Variants in CUBN observed in about 807,000 individuals in gnomAD.
CUBN encodes the protein cubilin, also known as 460 kDa receptor.
CUBN carries 282 observed loss-of-function variants against 405.3 expected under a neutral mutation model. The ratio of observed to expected loss-of-function variants is 0.70; its 90% confidence interval spans 0.63 to 0.77. The LOEUF is 0.77. Ranked by LOEUF, CUBN falls within the 30% of genes least tolerant of loss-of-function variation. The pLI is 0.00. For missense variants in CUBN, 4,514 were observed against 4,475.2 expected (o/e 1.01, Z -0.25); for synonymous variants, 1,684 against 1,617.0 (o/e 1.04, Z -0.99).
intron 28 of CUBN, among the ~76,000 whole-genome samples, chr10:17,014,611 G>A (rs1834277706): frequency 6.6e-6 from 1 of 152,210 alleles, no homozygotes; most frequent in Admixed American, 6.5e-5. Context: ...CCTGCTGTAG[G>A]CAAAGCTGGG....
chr10:17,115,722 G>C (rs1488790692), intron 6 of CUBN, 125 bp from the exon 7 acceptor site: 3 of 1,221,304 alleles, frequency 2.5e-6, no homozygotes, highest in Non-Finnish European at 3.6e-6. Flanking sequence ...TCGTCAGCCA[G>C]CAATGCAAAT....
chr10:16,999,164 G>T (rs7904146), intron 28 of CUBN, among the ~76,000 whole-genome samples: 1 of 151,936 alleles, frequency 6.6e-6, no homozygotes, highest in Non-Finnish European at 1.5e-5. Flanking sequence ...TCCTATTCAA[G>T]ATGTCATATA....
chr10:17,074,233 G>C (rs1320737269), intron 17 of CUBN, among the ~76,000 whole-genome samples: 1 of 152,158 alleles, frequency 6.6e-6, no homozygotes, highest in African/African-American at 2.4e-5. Context: ...GCGGTTTTTG[G>C]GGAAGCGCAG....
intron 37 of CUBN, 109 bp from the exon 38 acceptor site, chr10:16,939,256 T>C (rs1258554127): frequency 1.7e-5 from 15 of 872,896 alleles, no homozygotes; most frequent in Non-Finnish European, 2.6e-5. Context: ...TTTAATTGAC[T>C]GTGATTTCTT....
In CUBN at chr10:17,088,323, A is replaced by G. The variant is rs551538811; in HGVS notation, c.1788T>C (p.Gly596=). 21 of 1,612,532 alleles carry G rather than the reference A, an allele frequency of 1.3e-5. No individual in the cohort carries two copies. Among genetic ancestry groups the G allele is most frequent in the Admixed American group, 8.3e-5 (5 of 60,018 alleles). The change falls in exon 15 of 67, where the codon GGT becomes GGC. Residue 596 remains glycine, a synonymous_variant. Transcript: ENST00000377833. ...CCGGAGACTTAATAGAACCGTAAGGACCAGTCAGGATACCTCCACACTCTA... is the reference window on the plus strand; with the variant it reads ...CCGGAGACTTAATAGAACCGTAAGGGCCAGTCAGGATACCTCCACACTCTA... The part of the protein sequence containing the change: ...QQPECGGILT[G]PYGSIKSPGY...
chr10:17,007,334 A>G (rs12251108), intron 28 of CUBN, among the ~76,000 whole-genome samples: 3,588 of 152,256 alleles, frequency 0.024, 99 homozygotes, highest in African/African-American at 0.067. Context: ...GAGGACCCGC[A>G]TAAAAGGCCC....
At position 16,900,729 on chromosome 10, in the gene CUBN, G is replaced by C. The variant is rs1841337756; in HGVS notation, c.8306C>G (p.Pro2769Arg). The C allele has an allele frequency of 6.2e-7, 1 of 1,614,098 alleles. No homozygotes were observed. Among genetic ancestry groups the C allele is most frequent in the Non-Finnish European group, 8.5e-7 (1 of 1,179,990 alleles). ...IIGQYCGNSN[P>R]RTIQSGSNQL... ...ATTGGAACCTGACTGTATTGTCCTGGGGTTTGAATTTCCACAGTATTGTCC... is the reference window on the plus strand; with the variant it reads ...ATTGGAACCTGACTGTATTGTCCTGCGGTTTGAATTTCCACAGTATTGTCC... Residue 2769 changes from proline (P) to arginine (R), a missense_variant, in exon 53 of 67, where the codon CCC becomes CGC. Pro to Arg is a moderately radical substitution (Grantham distance 103, BLOSUM62 -2). Coordinates refer to ENST00000377833, the MANE Select transcript of CUBN (RefSeq NM_001081.4).
At chr10:16,976,502 TA>T (rs531225014) in intron 31 of CUBN, among the ~76,000 whole-genome samples, 3,987 of 38,962 alleles carry the variant, frequency 0.1, 173 homozygotes, top group African/African-American at 0.26. Flanking sequence ...TTGTTATTAT[TA>T]TTTTTTTTTT....
chr10:16,964,495 G>C (rs1170176609), intron 31 of CUBN, among the ~76,000 whole-genome samples: 1 of 152,142 alleles, frequency 6.6e-6, no homozygotes, highest in Non-Finnish European at 1.5e-5. Flanking sequence ...GTGTGTGTTT[G>C]TGAGGGAAAT....
At chr10:17,041,895 G>T (rs958262182) in intron 26 of CUBN, among the ~76,000 whole-genome samples, 18 of 152,258 alleles carry the variant, frequency 1.2e-4, no homozygotes, top group African/African-American at 4.3e-4. Flanking sequence ...ATTTTCTTGA[G>T]CTGAGTTTTC....
At chr10:17,128,386 G>C (rs1362208072) in intron 2 of CUBN, among the ~76,000 whole-genome samples, 3 of 152,184 alleles carry the variant, frequency 2.0e-5, no homozygotes, top group African/African-American at 7.2e-5. Flanking sequence ...AAGCACAGTG[G>C]ATGGCCCACA....
intron 64 of CUBN, among the ~76,000 whole-genome samples, chr10:16,832,584 T>C (rs1564375141): frequency 1.3e-5 from 2 of 152,174 alleles, no homozygotes; most frequent in South Asian, 4.1e-4. Flanking sequence ...TGGGCGTTTT[T>C]CCCTCAGGGT....
chr10:17,003,813 C>T (rs1173758329), intron 28 of CUBN, among the ~76,000 whole-genome samples: 1 of 152,190 alleles, frequency 6.6e-6, no homozygotes, highest in Non-Finnish European at 1.5e-5. Context: ...CTATTCCTCG[C>T]TCTTAGTAAC....
intron 7 of CUBN, among the ~76,000 whole-genome samples, chr10:17,114,528 C>T (rs2281649): frequency 0.24 from 36,343 of 152,092 alleles, 4,709 homozygotes; most frequent in Middle Eastern, 0.32. Context: ...AGGCACAGAC[C>T]TTGGAAAATC....
Position 16,869,671 on chromosome 10 carries a change from G to T in CUBN, c.9419C>A (p.Ala3140Glu). The T allele has an allele frequency of 6.2e-7, 1 of 1,613,872 alleles. No individual in the cohort carries two copies. The highest frequency in any genetic ancestry group is 8.5e-7 in the Non-Finnish European group (1 of 1,179,894). The change falls in exon 59 of 67, where the codon GCA (alanine) becomes GAA (glutamate). Residue 3140 changes from alanine to glutamate, a missense_variant. Coordinates refer to ENST00000377833, the MANE Select transcript of CUBN (RefSeq NM_001081.4). ...CCGGAAAGACATCTTCCAGCCTTTTGCTGTCTGAAATGAATCTGTCTTGAA... is the reference window on the plus strand; with the variant it reads ...CCGGAAAGACATCTTCCAGCCTTTTTCTGTCTGAAATGAATCTGTCTTGAA... Reference protein sequence around the residue: ...LVFKTDSFQTAKGWKMSFRQT... With the variant: ...LVFKTDSFQTEKGWKMSFRQT...
At position 16,851,462 on chromosome 10, in the gene CUBN, A is replaced by G; in HGVS notation, c.9455-19T>C. ...TGAGGCCCTGCATTAAAACAAAGAC[A>G]TCACTATGCAGACCAAACAGAACCG... On this transcript the variant is annotated intron_variant, in intron 59 of 66. Coordinates refer to ENST00000377833, the MANE Select transcript of CUBN (RefSeq NM_001081.4). 1.9e-6 allele frequency: 3 copies of G among 1,609,898 alleles called. No individual in the cohort carries two copies. Among genetic ancestry groups the G allele is most frequent in the Non-Finnish European group, 2.6e-6 (3 of 1,176,156 alleles).
chr10:16,942,201 A>G (rs931513581), intron 36 of CUBN, among the ~76,000 whole-genome samples: 3 of 152,194 alleles, frequency 2.0e-5, no homozygotes, highest in Non-Finnish European at 4.4e-5. Context: ...GAAGTCTTAT[A>G]TATTCCTCGT....
chr10:16,919,667 T>C (rs761890330), intron 44 of CUBN, among the ~76,000 whole-genome samples: 15 of 152,106 alleles, frequency 9.9e-5, no homozygotes, highest in Non-Finnish European at 1.5e-4. Context: ...ATCAGAAACA[T>C]GATATATTTC....
intron 28 of CUBN, among the ~76,000 whole-genome samples, chr10:16,995,977 T>C (rs1162873347): frequency 6.6e-6 from 1 of 152,164 alleles, no homozygotes; most frequent in African/African-American, 2.4e-5. Context: ...ACTTAGTGAA[T>C]GGCAGATGTG....
Sources: gnomAD v4.1 joint callset for allele counts (sites outside exome capture counted in the v4.1 genomes callset) on GRCh38, gnomAD v4.1.1 for gene constraint, MANE v1.5 for transcripts, NCBI Gene and HGNC (gene_info 2026-07-23, HGNC 2026-07-21) for gene names.